Variants in H4C16 observed in about 807,000 individuals in gnomAD.
H4C16 encodes the protein histone H4.
the H4C16 span, chr12:14,770,782 G>A: frequency 3.7e-6 from 6 of 1,611,078 alleles, no homozygotes; most frequent in South Asian, 3.3e-5. Flanking sequence ...CTCAACCGCC[G>A]AAACCATAAA....
the H4C16 span, chr12:14,770,818 G>GT: frequency 6.2e-7 from 1 of 1,614,148 alleles, no homozygotes; most frequent in Non-Finnish European, 8.5e-7. Flanking sequence ...GTTTCAGCGC[G>GT]TACACCACAT....
the H4C16 span, chr12:14,770,925 CCT>C: frequency 6.2e-7 from 1 of 1,614,232 alleles, no homozygotes; most frequent in Non-Finnish European, 8.5e-7. Context: ...CCCCGGGTCT[CCT>C]CGTAGATGAG....
the H4C16 span, chr12:14,771,079 A>G: frequency 6.3e-7 from 1 of 1,590,106 alleles, no homozygotes; most frequent in African/African-American, 1.3e-5. Flanking sequence ...TACCTCGCCC[A>G]GACATTCTGA....
the H4C16 span, chr12:14,770,994 T>C: frequency 1.9e-6 from 3 of 1,614,122 alleles, no homozygotes; most frequent in East Asian, 2.2e-5. Flanking sequence ...GCCGGCTTTG[T>C]AATGCCTTGG....
chr12:14,770,801 C>A, the H4C16 span: 1 of 1,613,822 alleles, frequency 6.2e-7, no homozygotes, highest in Non-Finnish European at 8.5e-7. Flanking sequence ...AAGGGTGCGA[C>A]CCTGGCGTTT....
At chr12:14,770,743 T>C in the H4C16 span, 28 of 1,565,108 alleles carry the variant, frequency 1.8e-5, no homozygotes, top group Non-Finnish European at 2.4e-5. Context: ...AAGGGCCTTT[T>C]GGAGTCTGTA....
the H4C16 span, chr12:14,770,876 G>A: frequency 6.2e-7 from 1 of 1,614,162 alleles, no homozygotes; most frequent in South Asian, 1.1e-5. Flanking sequence ...GTAAGTCACC[G>A]CGTCACGGAT....
At chr12:14,771,073 T>C in the H4C16 span, 3 of 1,592,428 alleles carry the variant, frequency 1.9e-6, no homozygotes, top group Non-Finnish European at 2.6e-6. Context: ...CACCTTTACC[T>C]CGCCCAGACA....
the H4C16 span, chr12:14,770,761 T>C: frequency 1.9e-6 from 3 of 1,601,822 alleles, no homozygotes; most frequent in Non-Finnish European, 2.6e-6. Context: ...GTAGAGAAGC[T>C]GTGGGGACAG....
At chr12:14,771,128 C>A in the H4C16 span, 2 of 1,536,762 alleles carry the variant, frequency 1.3e-6, no homozygotes, top group South Asian at 2.5e-5. Context: ...GGGCTGCCCA[C>A]TGTGATTGCC....
chr12:14,770,975 C>G, the H4C16 span: 1 of 1,614,222 alleles, frequency 6.2e-7, no homozygotes, highest in Non-Finnish European at 8.5e-7. Context: ...TCGGGCGAGA[C>G]GGCGAATCGC....
chr12:14,770,985 C>T, the H4C16 span: 2 of 1,614,240 alleles, frequency 1.2e-6, no homozygotes, highest in South Asian at 1.1e-5. Context: ...CGGCGAATCG[C>T]CGGCTTTGTA....
At chr12:14,771,121 C>A in the H4C16 span, 9 of 1,550,570 alleles carry the variant, frequency 5.8e-6, no homozygotes, top group African/African-American at 9.6e-5. Context: ...GAAAATCGGG[C>A]TGCCCACTGT....
chr12:14,770,849 C>T, the H4C16 span: 4 of 1,614,096 alleles, frequency 2.5e-6, no homozygotes, highest in Non-Finnish European at 3.4e-6. Flanking sequence ...GACGGTCTTG[C>T]GCTTGGCGTG....
At chr12:14,770,976 G>C in the H4C16 span, 6 of 1,614,224 alleles carry the variant, frequency 3.7e-6, no homozygotes, top group Non-Finnish European at 5.1e-6. Flanking sequence ...CGGGCGAGAC[G>C]GCGAATCGCC....
At chr12:14,771,000 C>G in the H4C16 span, 2 of 1,614,236 alleles carry the variant, frequency 1.2e-6, no homozygotes, top group Non-Finnish European at 1.7e-6. Flanking sequence ...TTTGTAATGC[C>G]TTGGATATTG....
chr12:14,770,904 C>T, the H4C16 span: 1 of 1,614,238 alleles, frequency 6.2e-7, no homozygotes. Context: ...TCCAGGAAGA[C>T]TTTGAGGACT....
At chr12:14,770,893 C>G in the H4C16 span, 1 of 1,614,236 alleles carries the variant, frequency 6.2e-7, no homozygotes, top group Non-Finnish European at 8.5e-7. Context: ...GGATCACGTT[C>G]TCCAGGAAGA....
At chr12:14,771,082 C>T in the H4C16 span, 2 of 1,588,392 alleles carry the variant, frequency 1.3e-6, no homozygotes, top group Non-Finnish European at 8.6e-7. Flanking sequence ...CTCGCCCAGA[C>T]ATTCTGAAAT....
Sources: gnomAD v4.1 joint callset for allele counts on GRCh38, gnomAD v4.1.1 for gene constraint, MANE v1.5 for transcripts, NCBI Gene and HGNC (gene_info 2026-07-23, HGNC 2026-07-21) for gene names.